GALNT16: variants seen among roughly 807,000 people sequenced by gnomAD.
GALNT16 encodes UDP-GalNAc:polypeptide N-acetylgalactosaminyltransferase-like protein 1.
Under a neutral mutation model 76.1 loss-of-function variants are expected in GALNT16, and 40 were observed. The observed-to-expected ratio is 0.53, with a 90% CI of 0.41 to 0.68. The LOEUF is 0.68. GALNT16 is among the 30% of genes least tolerant of loss of function. The probability of loss-of-function intolerance (pLI) is 0.00; values close to 1 mark genes in which losing one functional copy is unlikely to be tolerated. For missense variants in GALNT16, 621 were observed against 731.9 expected, an observed-to-expected ratio of 0.85 and a Z score of 1.75; for synonymous variants, 276 against 285.2, an observed-to-expected ratio of 0.97 and a Z score of 0.32.
chr14:69,305,169 C>CTT (rs554703143), intron 1 of GALNT16, among the ~76,000 whole-genome samples: 26 of 127,260 alleles, frequency 2.0e-4, no homozygotes, highest in Non-Finnish European at 2.8e-4. Flanking sequence ...CGACAAGTAT[C>CTT]TTTTTTTTTT....
chr14:69,347,926 C>T lies in GALNT16; in HGVS notation c.1463C>T (p.Ala488Val). 1 of 1,614,054 alleles carries T rather than the reference C, an allele frequency of 6.2e-7. No homozygotes were observed. The highest frequency in any genetic ancestry group is 2.2e-5 in the East Asian group (1 of 44,866). ...ATCCAGCAGCAGGGGAAGTGCCTGG[C>T]TGCCACCTCCACCTTAATGTCCTCC... is the stretch of plus-strand genomic sequence containing the variant. ...HLIQQQGKCL[A>V]ATSTLMSSPG... Residue 488 changes from alanine to valine, a missense_variant, in exon 14 of 15, where the codon GCT becomes GTT. Ala to Val is a moderately conservative substitution (Grantham distance 64). Coordinates refer to ENST00000448469, the MANE Select transcript of GALNT16 (RefSeq NM_001168368.2).
At chr14:69,384,715 C>T in the GALNT16 span, among the ~76,000 whole-genome samples, 1 of 149,020 alleles carries the variant, frequency 6.7e-6, no homozygotes, top group South Asian at 2.1e-4. Flanking sequence ...AATAACAACA[C>T]AAGTGACGTG....
intron 1 of GALNT16, among the ~76,000 whole-genome samples, chr14:69,307,890 C>G (rs1219415117): frequency 2.0e-5 from 3 of 152,332 alleles, no homozygotes; most frequent in Admixed American, 1.3e-4. Context: ...TCTCGGCCCC[C>G]ACCCCCAGTC....
rs1473788838 is a variant in GALNT16, at chr14:69,260,235, C to A, written c.-56C>A. On this transcript the variant is annotated 5_prime_UTR_variant, in exon 1 of 15. Coordinates refer to ENST00000448469, the MANE Select transcript of GALNT16 (RefSeq NM_001168368.2). ...AGCTGGGGCTGCGAGCGCCCCCGCC[C>A]CGGCCCCGAGAGCACGCCGGCCCAG... The A allele has an allele frequency of 8.0e-6, 12 of 1,500,620 alleles. No homozygotes were observed. The African/African-American group carries it at 1.5e-4, about 19-fold the overall frequency. 93.0% of individuals were successfully genotyped at this position (1,500,620 alleles called of 1,614,324 possible). A position where few individuals can be genotyped will look rare whatever the true frequency, so the allele number is the denominator to read the frequency against.
At chr14:69,384,471 C>A in the GALNT16 span, among the ~76,000 whole-genome samples, 2 of 152,204 alleles carry the variant, frequency 1.3e-5, no homozygotes, top group East Asian at 3.8e-4. Flanking sequence ...TAGCTCTTAA[C>A]CACAGCCTCC....
intron 1 of GALNT16, among the ~76,000 whole-genome samples, chr14:69,271,340 GC>G (rs1300618724): frequency 6.6e-6 from 1 of 152,216 alleles, no homozygotes; most frequent in East Asian, 1.9e-4. Flanking sequence ...AGATCAGAAG[GC>G]CAGCGCTGGG....
At chr14:69,362,748 C>A in the GALNT16 span, among the ~76,000 whole-genome samples, 1 of 152,234 alleles carries the variant, frequency 6.6e-6, no homozygotes, top group Non-Finnish European at 1.5e-5. Flanking sequence ...GTTTATGCGA[C>A]CCTGGGCAGG....
chr14:69,265,385 G>A (rs2044330109), intron 1 of GALNT16, among the ~76,000 whole-genome samples: 1 of 152,216 alleles, frequency 6.6e-6, no homozygotes, highest in South Asian at 2.1e-4. Flanking sequence ...AGATCTTTGG[G>A]AGCATGGCTT....
intron 1 of GALNT16, among the ~76,000 whole-genome samples, chr14:69,318,791 A>G (rs953146772): frequency 6.6e-6 from 1 of 152,224 alleles, no homozygotes; most frequent in Admixed American, 6.5e-5. Context: ...CTCCTTTGCC[A>G]TCAACTGGAG....
chr14:69,349,683 C>T (rs77769776), intron 14 of GALNT16: 8,439 of 152,236 alleles, frequency 0.055, 298 homozygotes, highest in South Asian at 0.12. Context: ...AGTCTCCTCA[C>T]TTATAAAATA....
At chr14:69,380,507 C>G in the GALNT16 span, 1 of 1,117,950 alleles carries the variant, frequency 8.9e-7, no homozygotes, top group Non-Finnish European at 1.4e-6. Context: ...GTTCCAAGCC[C>G]ACCCCAACCC....
At chr14:69,361,356 A>T (rs942379037), downstream of GALNT16, among the ~76,000 whole-genome samples, 7 of 152,198 alleles carry the variant, frequency 4.6e-5, no homozygotes, top group Non-Finnish European at 1.0e-4. Context: ...TACAAACTAG[A>T]TATCAAAGCC....
At chr14:69,373,770 T>G in the GALNT16 span, among the ~76,000 whole-genome samples, 1 of 151,822 alleles carries the variant, frequency 6.6e-6, no homozygotes, top group East Asian at 1.9e-4. Flanking sequence ...CTCTCTCTCT[T>G]TCTCTCTTTC....
chr14:69,367,341 A>G, the GALNT16 span, among the ~76,000 whole-genome samples: 1 of 152,024 alleles, frequency 6.6e-6, no homozygotes, highest in Non-Finnish European at 1.5e-5. Flanking sequence ...GGAGGTGATT[A>G]AGTCGTGAGG....
intron 1 of GALNT16, among the ~76,000 whole-genome samples, chr14:69,281,809 C>T (rs1189522226): frequency 1.3e-5 from 2 of 152,138 alleles, no homozygotes; most frequent in Non-Finnish European, 2.9e-5. Context: ...ATACAGTCTC[C>T]CATTACTCCA....
Position 69,328,471 on chromosome 14 carries a change from G to T in GALNT16, c.590G>T (p.Arg197Leu), listed in dbSNP as rs61748871. 4 of 1,614,080 alleles carry T rather than the reference G, an allele frequency of 2.5e-6. No individual in the cohort carries two copies. In the South Asian group the frequency reaches 3.3e-5, roughly 13 times the overall value. The change falls in exon 6 of 15, where the codon CGT becomes CTT. Residue 197 changes from arginine to leucine, a missense_variant. Coordinates refer to ENST00000448469, the MANE Select transcript of GALNT16 (RefSeq NM_001168368.2). ...RREGLIRSRVRGADVAAATVL... is the reference protein window; with the variant it reads ...RREGLIRSRVLGADVAAATVL... ...GTAGGGCTGATCCGGTCCCGAGTGC[G>T]TGGGGCGGACGTGGCTGCAGCTACC...
At chr14:69,289,634 C>T in intron 1 of GALNT16, among the ~76,000 whole-genome samples, 1 of 151,932 alleles carries the variant, frequency 6.6e-6, no homozygotes, top group Admixed American at 6.6e-5. Context: ...GGATGCTCCA[C>T]CAGGAGTCTT....
At chr14:69,342,357 A>T (rs1170118419) in intron 12 of GALNT16, among the ~76,000 whole-genome samples, 1 of 146,170 alleles carries the variant, frequency 6.8e-6, no homozygotes, top group Non-Finnish European at 1.5e-5. Flanking sequence ...CCCAAAAGGT[A>T]GGGGCTGCAG....
chr14:69,303,111 T>C (rs1400210976), intron 1 of GALNT16, among the ~76,000 whole-genome samples: 2 of 152,244 alleles, frequency 1.3e-5, no homozygotes, highest in African/African-American at 4.8e-5. Context: ...CCAGAGGTTG[T>C]GAACATTTTA....
Sources: allele counts gnomAD v4.1 joint callset (sites outside exome capture counted in the v4.1 genomes callset), GRCh38; gene constraint gnomAD v4.1.1; transcripts MANE v1.5; gene names NCBI Gene and HGNC (gene_info 2026-07-23, HGNC 2026-07-21).